VPS28: variants seen among roughly 807,000 people sequenced by gnomAD.
VPS28 encodes the protein vacuolar protein sorting-associated protein 28 homolog.
A neutral mutation model predicts 33.7 loss-of-function variants in VPS28; 29 were observed. That is an observed-to-expected ratio of 0.86 (90% CI 0.64 to 1.17). VPS28 has a LOEUF of 1.17. Among genes scored for constraint, VPS28 ranks in the 50% most tolerant of loss-of-function variants. VPS28 has a pLI of 0.00. For synonymous variants in VPS28, 164 were observed against 116.7 expected, an observed-to-expected ratio of 1.40 and a Z score of -2.61; for missense variants, 247 against 312.2, an observed-to-expected ratio of 0.79 and a Z score of 1.57.
Position 144,425,012 on chromosome 8 carries a change from T to C in VPS28, c.234A>G (p.Lys78=), listed in dbSNP as rs200409143. 3 of 1,554,592 alleles carry C rather than the reference T, an allele frequency of 1.9e-6. No homozygotes were observed. The highest frequency in any genetic ancestry group is 4.8e-5 in the East Asian group (2 of 41,322). ...AGCCCTGGACCTGCCTGAAGGCAGC[T>C]TTGTATTGGACCAGGAGCCGGGAGC... ...AACSRLLVQY[K]AAFRQVQGSE... is the part of the protein sequence containing the mutation. The change falls in exon 6 of 10, where the codon AAA becomes AAG. Residue 78 remains lysine (K), a synonymous_variant. Coordinates refer to ENST00000292510, the MANE Select transcript of VPS28 (RefSeq NM_016208.4).
In VPS28 at chr8:144,424,141, C is replaced by T. The variant is rs1554875993; in HGVS notation, c.457-9G>A. 6.4e-7 allele frequency: 1 copy of T among 1,550,700 alleles called. No homozygotes were observed. Among genetic ancestry groups the T allele is most frequent in the South Asian group, 1.2e-5 (1 of 81,456 alleles). On this transcript the variant is annotated splice_polypyrimidine_tract_variant and intron_variant, in intron 8 of 9. Transcript: ENST00000292510. ...CGCAGGTCGGGCTGGATCTGAGACA[C>T]ACACAGCGGCTGGGACCCCGACGCC...
chr8:144,423,626 A>C lies in VPS28; in HGVS notation c.*179T>G. 1 of 770,590 alleles carries C rather than the reference A, an allele frequency of 1.3e-6. No individual in the cohort carries two copies. Among genetic ancestry groups the C allele is most frequent in the Non-Finnish European group, 2.1e-6 (1 of 474,200 alleles). 47.7% of individuals were successfully genotyped at this position (770,590 alleles called of 1,614,324 possible). A position where few individuals can be genotyped will look rare whatever the true frequency, so the allele number is the denominator to read the frequency against. ...GGAGCCACCCAAGCAGGAAGGTCGG[A>C]GAGCATCTTTATTGTGGGGAGGGGC... On this transcript the variant is annotated 3_prime_UTR_variant, in exon 10 of 10. Coordinates refer to ENST00000292510, the MANE Select transcript of VPS28 (RefSeq NM_016208.4).
intron 7 of VPS28, 99 bp downstream of exon 7, chr8:144,424,619 T>G: frequency 7.6e-7 from 1 of 1,311,104 alleles, no homozygotes; most frequent in South Asian, 1.2e-5. Flanking sequence ...CAAGTCAGAG[T>G]GCTGCTCAGC....
At chr8:144,428,210 A>G (rs1203514861) in intron 1 of VPS28, among the ~76,000 whole-genome samples, 1 of 152,234 alleles carries the variant, frequency 6.6e-6, no homozygotes, top group African/African-American at 2.4e-5. Flanking sequence ...CGGAGCCGCC[A>G]GGCAGGAGAG....
chr8:144,427,824 TGA>T (rs1222691304), intron 1 of VPS28, among the ~76,000 whole-genome samples: 2 of 152,094 alleles, frequency 1.3e-5, no homozygotes, highest in African/African-American at 4.8e-5. Context: ...CCGAGGGATT[TGA>T]GATAGGATTA....
At position 144,423,701 on chromosome 8, in the gene VPS28, C is replaced by T. The variant is rs1381667627; in HGVS notation, c.*104G>A. On this transcript the variant is annotated 3_prime_UTR_variant, in exon 10 of 10. Coordinates refer to ENST00000292510, the MANE Select transcript of VPS28 (RefSeq NM_016208.4). ...AAGACAGACACCAGACAGGCAGCTGCAGACAGTGAGTTGTGTGGATGACCA... is the reference window on the plus strand; with the variant it reads ...AAGACAGACACCAGACAGGCAGCTGTAGACAGTGAGTTGTGTGGATGACCA... 2.8e-6 allele frequency: 4 copies of T among 1,429,272 alleles called. No individual in the cohort carries two copies. The East Asian group carries it at 7.2e-5, about 26-fold the overall frequency. The allele number at this position is 1,429,272 out of a possible 1,614,324, so 88.5% of individuals were successfully genotyped here.
At chr8:144,428,017 A>T (rs2130826498) in intron 1 of VPS28, among the ~76,000 whole-genome samples, 1 of 152,092 alleles carries the variant, frequency 6.6e-6, no homozygotes, top group Middle Eastern at 3.4e-3. Context: ...GCTACCGGGG[A>T]TGGGAGAAGA....
At chr8:144,426,803 G>T in intron 2 of VPS28, 106 bp downstream of exon 2, 1 of 1,311,074 alleles carries the variant, frequency 7.6e-7, no homozygotes. Flanking sequence ...AAGGCTGTAC[G>T]AGAGCAGGGT....
Position 144,426,193 on chromosome 8 carries a change from G to T in VPS28, c.53C>A (p.Pro18Gln). 6.2e-7 allele frequency: 1 copy of T among 1,606,028 alleles called. No individual in the cohort carries two copies. Among genetic ancestry groups the T allele is most frequent in the Non-Finnish European group, 8.5e-7 (1 of 1,176,634 alleles). ...TPGIGAPGNK[P>Q]ELYEEVKLYK... Reference sequence around the variant, plus strand: ...CCCACCACTCACCTCATACAGCTCCGGCTTGTTCCCAGGGGCTGCAAGAGA... The same window carrying T: ...CCCACCACTCACCTCATACAGCTCCTGCTTGTTCCCAGGGGCTGCAAGAGA... Residue 18 changes from proline (P) to glutamine (Q), a missense_variant, in exon 3 of 10, where the codon CCG (proline) becomes CAG (glutamine). Pro to Gln is a moderately conservative substitution (Grantham distance 76, BLOSUM62 -1). Around this residue, in one of 3 missense-constraint regions of VPS28, gnomAD observed 149 missense variants for 172.8 expected, o/e 0.86. Coordinates refer to ENST00000292510, the MANE Select transcript of VPS28 (RefSeq NM_016208.4).
intron 2 of VPS28, 132 bp from the exon 3 acceptor site, chr8:144,426,340 G>T: frequency 8.0e-7 from 1 of 1,246,662 alleles, no homozygotes; most frequent in African/African-American, 1.5e-5. Flanking sequence ...GAGGGAGCTG[G>T]AGCACAGAGG....
At chr8:144,425,826 C>CA in intron 4 of VPS28, 54 bp from the exon 5 acceptor site, 1 of 1,610,578 alleles carries the variant, frequency 6.2e-7, no homozygotes, top group Non-Finnish European at 8.5e-7. Context: ...GCCTAGAGCC[C>CA]AGAGTGCTAC....
At chr8:144,425,309 CTGT>C in intron 5 of VPS28, 1 of 580,928 alleles carries the variant, frequency 1.7e-6, no homozygotes, top group Non-Finnish European at 3.1e-6. Context: ...GACCAGCCCT[CTGT>C]TGTGATGGCC....
At position 144,427,029 on chromosome 8, in the gene VPS28, C is replaced by CAG. The variant is rs60114838; in HGVS notation, c.-34-51_-34-50insCT. ...TCAAAGATGGCCCCTAAGCCAGGCG[C>CAG]TGGCTCACACCTGTAATCCCAGCAC... On this transcript the variant is annotated intron_variant, in intron 1 of 9. Coordinates refer to ENST00000292510, the MANE Select transcript of VPS28 (RefSeq NM_016208.4). 1.3e-5 allele frequency: 19 copies of CAG among 1,497,090 alleles called. 1 individual carries two copies. The highest frequency in any genetic ancestry group is 8.4e-5 in the African/African-American group (6 of 71,732). The allele number at this position is 1,497,090 out of a possible 1,614,324, so 92.7% of individuals were successfully genotyped here.
chr8:144,426,377 G>A (rs1190977515), intron 2 of VPS28, 169 bp from the exon 3 acceptor site: 2 of 863,932 alleles, frequency 2.3e-6, no homozygotes, highest in Non-Finnish European at 3.4e-6. Flanking sequence ...ATCAGTGTGT[G>A]GGGGGACCTG....
intron 5 of VPS28, 95 bp from the exon 6 acceptor site, chr8:144,425,146 G>C: frequency 1.8e-6 from 2 of 1,137,838 alleles, no homozygotes; most frequent in Non-Finnish European, 1.3e-6. Context: ...AGCTTCCAGA[G>C]AGGACCAGGC....
rs782611338 is a variant in VPS28 at position 144,426,888 on chromosome 8, C to T, written c.37+21G>A. The T allele has an allele frequency of 6.2e-6, 10 of 1,611,700 alleles. No homozygotes were observed. In the East Asian group the frequency reaches 8.9e-5, roughly 14 times the overall value. ...CCCTGCAGAAGCGGCTGAAAGCCTG[C>T]GCCCTTCCAGCCACACTCACCTCCT... On this transcript the variant is annotated intron_variant, in intron 2 of 9. Transcript: ENST00000292510.
chr8:144,425,198 T>C (rs1564718824), intron 5 of VPS28, 147 bp from the exon 6 acceptor site: 8 of 692,276 alleles, frequency 1.2e-5, no homozygotes, highest in Non-Finnish European at 1.2e-5. Flanking sequence ...GGGCTGCTAG[T>C]AGCTTTTGGG....
At chr8:144,425,167 G>C in intron 5 of VPS28, 116 bp from the exon 6 acceptor site, 1 of 893,072 alleles carries the variant, frequency 1.1e-6, no homozygotes, top group South Asian at 1.5e-5. Flanking sequence ...GACAGGCAAA[G>C]GCAGGCCGAG....
In VPS28 at chr8:144,428,495, G is replaced by C. The variant is rs939013740; in HGVS notation, c.-41C>G. ...CCGGCCGGGCCCCGGGTACCTGGACGGCTCGCGGTCGGGAAGATGGCGCCG... is the reference window on the plus strand; with the variant it reads ...CCGGCCGGGCCCCGGGTACCTGGACCGCTCGCGGTCGGGAAGATGGCGCCG... On this transcript the variant is annotated 5_prime_UTR_variant, in exon 1 of 10. Coordinates refer to ENST00000292510, the MANE Select transcript of VPS28 (RefSeq NM_016208.4). The C allele has an allele frequency of 2.6e-5, 4 of 152,260 alleles. No individual in the cohort carries two copies. The highest frequency in any genetic ancestry group is 6.5e-5 in the Admixed American group (1 of 15,288). The allele number at this position is 152,260 out of a possible 1,614,324, so 9.4% of individuals were successfully genotyped here. A position where few individuals can be genotyped will look rare whatever the true frequency, so the allele number is the denominator to read the frequency against.
Sources: gnomAD v4.1 joint callset for allele counts (sites outside exome capture counted in the v4.1 genomes callset) on GRCh38, gnomAD v4.1.1 for gene constraint, gnomAD v4.1.1 regional missense constraint, MANE v1.5 for transcripts, NCBI Gene and HGNC (gene_info 2026-07-23, HGNC 2026-07-21) for gene names.